PPARGC1A: variants seen among roughly 807,000 people sequenced by gnomAD.
The protein encoded by PPARGC1A is peroxisome proliferator-activated receptor gamma coactivator 1-alpha.
In PPARGC1A, 25 loss-of-function variants were observed where a neutral mutation model predicts 88.7. The ratio of observed to expected loss-of-function variants is 0.28; its 90% CI spans 0.21 to 0.39. The LOEUF (loss-of-function observed/expected upper bound fraction) is 0.39, where lower values mean the gene tolerates loss of function less well. Ranked by LOEUF, PPARGC1A falls within the 10% of genes least tolerant of loss-of-function variation. PPARGC1A has a pLI of 1.00. For missense variants in PPARGC1A, 880 were observed against 968.7 expected (o/e 0.91, Z 1.22); for synonymous variants, 363 against 355.6 (o/e 1.02, Z -0.24).
the PPARGC1A span, among the ~76,000 whole-genome samples, chr4:23,990,076 T>A: frequency 1.8e-5 from 2 of 108,470 alleles, no homozygotes; most frequent in African/African-American, 6.5e-5. Flanking sequence ...AATTATATAT[T>A]ATATATAATA....
At chr4:23,972,963 T>C in the PPARGC1A span, among the ~76,000 whole-genome samples, 2 of 152,158 alleles carry the variant, frequency 1.3e-5, no homozygotes, top group Non-Finnish European at 2.9e-5. Context: ...AGTTTGAGAA[T>C]CCCTCAGCTG....
chr4:23,807,759 G>T (rs1395305969), intron 10 of PPARGC1A, among the ~76,000 whole-genome samples: 1 of 151,342 alleles, frequency 6.6e-6, no homozygotes, highest in Non-Finnish European at 1.5e-5. Context: ...GTGTGTATGT[G>T]TGTGTGTGTG....
the PPARGC1A span, among the ~76,000 whole-genome samples, chr4:24,167,865 C>T: frequency 2.0e-5 from 3 of 152,150 alleles, no homozygotes; most frequent in Admixed American, 1.3e-4. Context: ...GTGATACTCT[C>T]ACCTCAGCCT....
the PPARGC1A span, among the ~76,000 whole-genome samples, chr4:24,387,766 G>GAGAA: frequency 4.2e-3 from 221 of 52,026 alleles, 9 homozygotes; most frequent in East Asian, 0.023. Context: ...GAGAGAGAGA[G>GAGAA]AGAAAGAAAG....
chr4:23,999,948 G>A, the PPARGC1A span, among the ~76,000 whole-genome samples: 57 of 152,196 alleles, frequency 3.7e-4, no homozygotes, highest in Non-Finnish European at 5.9e-4. Flanking sequence ...CAGATTGGAG[G>A]GAGGGTCGAG....
At chr4:24,357,694 A>G in the PPARGC1A span, among the ~76,000 whole-genome samples, 3 of 152,160 alleles carry the variant, frequency 2.0e-5, no homozygotes, top group Non-Finnish European at 4.4e-5. Flanking sequence ...GGTGGGAGAT[A>G]ATTGAATCAT....
chr4:24,163,457 C>T, the PPARGC1A span, among the ~76,000 whole-genome samples: 1 of 151,930 alleles, frequency 6.6e-6, no homozygotes, highest in African/African-American at 2.4e-5. Context: ...AGCCTATTAA[C>T]AACAGTTGGC....
At chr4:24,470,325 C>CAG in the PPARGC1A span, among the ~76,000 whole-genome samples, 4 of 101,212 alleles carry the variant, frequency 4.0e-5, no homozygotes, top group African/African-American at 1.6e-4. The surrounding 1 kb of genome is among the most constrained non-coding windows in gnomAD (Gnocchi z 5.8). Context: ...CACACACACA[C>CAG]TCTCTCACAC....
At chr4:24,420,053 A>C in the PPARGC1A span, among the ~76,000 whole-genome samples, 3 of 152,248 alleles carry the variant, frequency 2.0e-5, no homozygotes, top group Non-Finnish European at 2.9e-5. Context: ...CAGTTCTGTC[A>C]GTTGCTGACA....
chr4:24,104,543 C>A, the PPARGC1A span, among the ~76,000 whole-genome samples: 11 of 152,256 alleles, frequency 7.2e-5, no homozygotes, highest in African/African-American at 2.6e-4. Context: ...ATGGACCGTC[C>A]TTGTTAGAGT....
At chr4:24,047,620 A>C in the PPARGC1A span, among the ~76,000 whole-genome samples, 4 of 152,226 alleles carry the variant, frequency 2.6e-5, no homozygotes, top group African/African-American at 4.8e-5. Flanking sequence ...CCGGGCAGAC[A>C]GACACATACA....
At chr4:24,384,574 A>AG in the PPARGC1A span, among the ~76,000 whole-genome samples, 1 of 151,550 alleles carries the variant, frequency 6.6e-6, no homozygotes, top group Non-Finnish European at 1.5e-5. Flanking sequence ...AAAAAAAAAA[A>AG]AAAGCAAGGG....
rs775464122 is a variant in PPARGC1A at position 23,828,488 on chromosome 4, G to T, written c.669C>A (p.Thr223=). Residue 223 remains threonine (T), a synonymous_variant, in exon 5 of 13, where the codon ACC becomes ACA. Coordinates refer to ENST00000264867, the MANE Select transcript of PPARGC1A (RefSeq NM_013261.5). ...YLTTNDDPPH[T]KPTENRNSSR... ...TGCTGTTTCTGTTCTCTGTGGGTTTGGTGTGAGGAGGGTCATCGTTTGTGG... is the reference window on the plus strand; with the variant it reads ...TGCTGTTTCTGTTCTCTGTGGGTTTTGTGTGAGGAGGGTCATCGTTTGTGG... 7 of 1,614,036 alleles carry T rather than the reference G, an allele frequency of 4.3e-6. No individual in the cohort carries two copies. The highest frequency in any genetic ancestry group is 5.9e-6 in the Non-Finnish European group (7 of 1,179,946).
the PPARGC1A span, among the ~76,000 whole-genome samples, chr4:24,331,554 T>C: frequency 6.6e-6 from 1 of 152,240 alleles, no homozygotes; most frequent in African/African-American, 2.4e-5. Flanking sequence ...TTCTGGCCTA[T>C]AGTAACATCT....
At chr4:24,213,882 A>G in the PPARGC1A span, among the ~76,000 whole-genome samples, 1 of 152,232 alleles carries the variant, frequency 6.6e-6, no homozygotes, top group Non-Finnish European at 1.5e-5. Flanking sequence ...GCTTAAAAAT[A>G]TCTGGTGTGG....
chr4:24,316,531 GT>G, the PPARGC1A span, among the ~76,000 whole-genome samples: 6 of 152,174 alleles, frequency 3.9e-5, no homozygotes, highest in Non-Finnish European at 8.8e-5. Context: ...TAAGAATAAG[GT>G]TTTTAAAACC....
chr4:24,370,749 C>CTT, the PPARGC1A span, among the ~76,000 whole-genome samples: 509 of 62,798 alleles, frequency 8.1e-3, 6 homozygotes, highest in African/African-American at 0.017. Flanking sequence ...CTGTCTCTCT[C>CTT]TTTTTTTTTT....
chr4:24,354,879 T>C, the PPARGC1A span, among the ~76,000 whole-genome samples: 1 of 147,272 alleles, frequency 6.8e-6, no homozygotes, highest in African/African-American at 2.5e-5. Flanking sequence ...AGAGCAAGAC[T>C]GTCAAAAAAA....
chr4:23,813,145 CA>C lies in PPARGC1A; in HGVS notation c.1794-21del. 2 of 1,606,560 alleles carry C rather than the reference CA, an allele frequency of 1.2e-6. No individual in the cohort carries two copies. The highest frequency in any genetic ancestry group is 1.1e-5 in the South Asian group (1 of 90,370). On this transcript the variant is annotated intron_variant, in intron 8 of 12. Coordinates refer to ENST00000264867, the MANE Select transcript of PPARGC1A (RefSeq NM_013261.5). ...CAGGATCTGCGCCAGAGGAGAAAAG[CA>C]AAAAGGGCATTTGCAACTGCCACTT... is the stretch of plus-strand genomic sequence containing the variant.
Sources: gnomAD v4.1 joint callset for allele counts (sites outside exome capture counted in the v4.1 genomes callset) on GRCh38, gnomAD v4.1.1 for gene constraint, Gnocchi (gnomAD v3.1) non-coding constraint, MANE v1.5 for transcripts, NCBI Gene and HGNC (gene_info 2026-07-23, HGNC 2026-07-21) for gene names.